The following TBC1D19 variants were observed in gnomAD, a reference collection of about 807,000 sequenced individuals.
The protein encoded by TBC1D19 is TBC1 domain family, member 19.
A neutral mutation model predicts 89.0 loss-of-function variants in TBC1D19; 60 were observed. The ratio of observed to expected loss-of-function variants is 0.67; its 90% confidence interval spans 0.55 to 0.84. TBC1D19 has a LOEUF of 0.84. TBC1D19 is among the 40% of genes least tolerant of loss of function. TBC1D19 has a pLI of 0.00. For missense variants in TBC1D19, 500 were observed against 610.8 expected, an observed-to-expected ratio of 0.82 and a Z score of 1.91; for synonymous variants, 189 against 199.7, an observed-to-expected ratio of 0.95 and a Z score of 0.45.
At chr4:26,858,760 C>G in the TBC1D19 span, 1 of 151,968 alleles carries the variant, frequency 6.6e-6, no homozygotes, top group African/African-American at 2.4e-5. Flanking sequence ...CCTTCCTGGC[C>G]TTGGTCTTTT....
intron 4 of TBC1D19, among the ~76,000 whole-genome samples, chr4:26,630,363 T>C (rs997876075): frequency 6.6e-6 from 1 of 152,078 alleles, no homozygotes; most frequent in African/African-American, 2.4e-5. Context: ...TTAAAAACCA[T>C]TCACTTTCCT....
the TBC1D19 span, among the ~76,000 whole-genome samples, chr4:26,779,082 G>A: frequency 6.6e-6 from 1 of 152,166 alleles, no homozygotes. Flanking sequence ...AGAATACTGG[G>A]AGCTTCTCAT....
At chr4:26,844,326 A>G in the TBC1D19 span, among the ~76,000 whole-genome samples, 5 of 152,238 alleles carry the variant, frequency 3.3e-5, no homozygotes, top group Non-Finnish European at 7.3e-5. Context: ...AGGAAAACCC[A>G]ACCTCCAACA....
chr4:26,771,496 A>G, the TBC1D19 span, among the ~76,000 whole-genome samples: 1 of 152,216 alleles, frequency 6.6e-6, no homozygotes, highest in Admixed American at 6.5e-5. Flanking sequence ...GCCTTAAAAA[A>G]GAAGAAAATC....
chr4:26,646,610 A>C (rs1743976002), intron 7 of TBC1D19, among the ~76,000 whole-genome samples: 1 of 151,014 alleles, frequency 6.6e-6, no homozygotes, highest in Non-Finnish European at 1.5e-5. Context: ...GGCACATACT[A>C]TGCAGCCATT....
At chr4:26,760,556 G>A (rs1719421746), downstream of TBC1D19, among the ~76,000 whole-genome samples, 5 of 152,144 alleles carry the variant, frequency 3.3e-5, no homozygotes, top group South Asian at 1.0e-3. Flanking sequence ...CAGCCTGGAT[G>A]ACAGAGGGAG....
chr4:26,587,423 C>A (rs760041035), intron 1 of TBC1D19, among the ~76,000 whole-genome samples: 10 of 151,804 alleles, frequency 6.6e-5, no homozygotes, highest in Non-Finnish European at 1.5e-4. Context: ...ACAAAAAATA[C>A]AAAAATTAGC....
intron 4 of TBC1D19, among the ~76,000 whole-genome samples, chr4:26,627,499 C>T (rs968918782): frequency 6.6e-6 from 1 of 152,082 alleles, no homozygotes; most frequent in Non-Finnish European, 1.5e-5. Context: ...AGTTTACAGT[C>T]CCACCAACAG....
At chr4:26,680,021 C>G (rs868220610) in intron 11 of TBC1D19, among the ~76,000 whole-genome samples, 1 of 152,092 alleles carries the variant, frequency 6.6e-6, no homozygotes, top group East Asian at 1.9e-4. Flanking sequence ...ATTTTGTTCT[C>G]GTGATAGTGA....
At chr4:26,636,660 A>G (rs1743151789) in intron 4 of TBC1D19, among the ~76,000 whole-genome samples, 1 of 152,018 alleles carries the variant, frequency 6.6e-6, no homozygotes, top group African/African-American at 2.4e-5. Flanking sequence ...ATATGGACTA[A>G]GTATGACATC....
At chr4:26,664,507 T>C (rs1379081730) in intron 8 of TBC1D19, among the ~76,000 whole-genome samples, 1 of 151,670 alleles carries the variant, frequency 6.6e-6, no homozygotes, top group East Asian at 1.9e-4. Context: ...AAAAGAAAAA[T>C]ACAAATGATT....
At chr4:26,610,211 T>A (rs1277363040) in intron 1 of TBC1D19, among the ~76,000 whole-genome samples, 1 of 152,076 alleles carries the variant, frequency 6.6e-6, no homozygotes, top group East Asian at 1.9e-4. Flanking sequence ...TGAAACTTTT[T>A]AACCCATAAG....
intron 1 of TBC1D19, among the ~76,000 whole-genome samples, chr4:26,578,885 G>A (rs992105021): frequency 6.6e-6 from 1 of 152,144 alleles, no homozygotes; most frequent in African/African-American, 2.4e-5. Flanking sequence ...CAGATATAGG[G>A]AGGCCTTAGT....
chr4:26,816,015 T>C, the TBC1D19 span, among the ~76,000 whole-genome samples: 1 of 152,158 alleles, frequency 6.6e-6, no homozygotes, highest in Admixed American at 6.5e-5. Flanking sequence ...CCACAGGCCT[T>C]GTATCAAGGG....
chr4:26,734,979 T>TATGTATATGTATATGTGTATACAC (rs1717906629), intron 15 of TBC1D19, among the ~76,000 whole-genome samples: 1 of 149,338 alleles, frequency 6.7e-6, no homozygotes, highest in Admixed American at 6.7e-5. Context: ...TGTATACACA[T>TATGTATATGTATATGTGTATACAC]ATGTATATGT....
the TBC1D19 span, among the ~76,000 whole-genome samples, chr4:26,763,038 G>A: frequency 6.6e-6 from 1 of 152,168 alleles, no homozygotes; most frequent in Admixed American, 6.5e-5. Flanking sequence ...TCTCCTCGCA[G>A]CTAAATTAAG....
At chr4:26,661,803 C>G (rs900732887) in intron 8 of TBC1D19, among the ~76,000 whole-genome samples, 9 of 152,126 alleles carry the variant, frequency 5.9e-5, no homozygotes, top group African/African-American at 2.2e-4. Flanking sequence ...CACGGAGAGT[C>G]CTTACAGCCA....
chr4:26,616,779 T>C (rs944055559), intron 3 of TBC1D19, among the ~76,000 whole-genome samples: 1 of 152,194 alleles, frequency 6.6e-6, no homozygotes, highest in African/African-American at 2.4e-5. Context: ...TTTAAACTAG[T>C]GTAGGTTAGC....
At chr4:26,582,318 A>C (rs1739097753), upstream of TBC1D19, among the ~76,000 whole-genome samples, 1 of 152,160 alleles carries the variant, frequency 6.6e-6, no homozygotes, top group South Asian at 2.1e-4. Context: ...ACTGATAGGG[A>C]AAGAGACTCA....
Sources: gnomAD v4.1 joint callset for allele counts (sites outside exome capture counted in the v4.1 genomes callset) on GRCh38, gnomAD v4.1.1 for gene constraint, MANE v1.5 for transcripts, NCBI Gene and HGNC (gene_info 2026-07-23, HGNC 2026-07-21) for gene names.